The following LOC128462377 variants were observed in gnomAD, a reference collection of about 807,000 sequenced individuals.
the LOC128462377 span, chr16:89,403,838 A>T: frequency 6.6e-6 from 1 of 152,114 alleles, no homozygotes; most frequent in Non-Finnish European, 1.5e-5. Context: ...AAGGCTGAGG[A>T]AGGGGCATCA....
chr16:89,369,099 C>T, the LOC128462377 span, among the ~76,000 whole-genome samples: 12 of 152,138 alleles, frequency 7.9e-5, no homozygotes, highest in Admixed American at 7.2e-4. Flanking sequence ...CACATCACTA[C>T]CAAGCTCTGG....
At chr16:89,411,919 G>C in the LOC128462377 span, among the ~76,000 whole-genome samples, 2 of 150,704 alleles carry the variant, frequency 1.3e-5, no homozygotes, top group Non-Finnish European at 3.0e-5. Flanking sequence ...CCAGGTACTG[G>C]GGTGAGATGC....
chr16:89,350,253 C>G, the LOC128462377 span, among the ~76,000 whole-genome samples: 1 of 152,182 alleles, frequency 6.6e-6, no homozygotes, highest in Admixed American at 6.5e-5. Context: ...TGAGTGGTCA[C>G]TTTGGAAAAG....
chr16:89,346,250 GAAAAAA>G, the LOC128462377 span, among the ~76,000 whole-genome samples: 185 of 96,868 alleles, frequency 1.9e-3, 1 homozygote, highest in African/African-American at 7.3e-3. Flanking sequence ...CCCGTCTCAG[GAAAAAA>G]AAAAAAAAAA....
chr16:89,335,907 G>A, the LOC128462377 span, among the ~76,000 whole-genome samples: 1 of 152,156 alleles, frequency 6.6e-6, no homozygotes, highest in African/African-American at 2.4e-5. Context: ...GCAGCTGACT[G>A]GCCAGACCCC....
chr16:89,338,083 C>A, the LOC128462377 span, among the ~76,000 whole-genome samples: 3 of 152,200 alleles, frequency 2.0e-5, no homozygotes, highest in Admixed American at 6.5e-5. Context: ...CACTCAGGAG[C>A]CCCAGGGGCC....
chr16:89,364,122 C>T, the LOC128462377 span, among the ~76,000 whole-genome samples: 1 of 152,138 alleles, frequency 6.6e-6, no homozygotes, highest in Non-Finnish European at 1.5e-5. Context: ...AAAAAAAAGA[C>T]ATGGAGCCTT....
chr16:89,413,499 C>A, the LOC128462377 span, among the ~76,000 whole-genome samples: 1 of 152,056 alleles, frequency 6.6e-6, no homozygotes, highest in African/African-American at 2.4e-5. Context: ...GTGGCGGGCA[C>A]CTATAGTCCC....
At chr16:89,321,706 A>T in the LOC128462377 span, among the ~76,000 whole-genome samples, 1 of 152,178 alleles carries the variant, frequency 6.6e-6, no homozygotes, top group Non-Finnish European at 1.5e-5. Context: ...CTCACAGAAA[A>T]AAAAAAAGAC....
the LOC128462377 span, among the ~76,000 whole-genome samples, chr16:89,346,369 C>T: frequency 6.6e-6 from 1 of 151,834 alleles, no homozygotes; most frequent in Non-Finnish European, 1.5e-5. Context: ...ACCCAGACTA[C>T]AAGACAGAAG....
At chr16:89,334,887 T>G in the LOC128462377 span, among the ~76,000 whole-genome samples, 1 of 152,066 alleles carries the variant, frequency 6.6e-6, no homozygotes, top group Admixed American at 6.5e-5. Context: ...GACACGAGTG[T>G]GTCTGCTGTG....
chr16:89,416,247 T>G, the LOC128462377 span, among the ~76,000 whole-genome samples: 13 of 152,104 alleles, frequency 8.5e-5, no homozygotes, highest in Admixed American at 7.9e-4. Context: ...GTCAGCAGAG[T>G]TGCTGATAGC....
chr16:89,396,135 A>G, the LOC128462377 span: 1 of 152,220 alleles, frequency 6.6e-6, no homozygotes, highest in Non-Finnish European at 1.5e-5. Flanking sequence ...GTGAAAATTC[A>G]AGCTTTCAAA....
At chr16:89,354,451 C>T in the LOC128462377 span, among the ~76,000 whole-genome samples, 3 of 152,212 alleles carry the variant, frequency 2.0e-5, no homozygotes, top group African/African-American at 7.2e-5. Flanking sequence ...AGTGCAGAGC[C>T]AGCCCACCTC....
At chr16:89,403,009 A>G in the LOC128462377 span, among the ~76,000 whole-genome samples, 3 of 152,130 alleles carry the variant, frequency 2.0e-5, no homozygotes, top group Non-Finnish European at 4.4e-5. Context: ...CCTCAGCCCC[A>G]CCATCAAACA....
At chr16:89,362,457 T>G in the LOC128462377 span, among the ~76,000 whole-genome samples, 1 of 152,200 alleles carries the variant, frequency 6.6e-6, no homozygotes, top group Non-Finnish European at 1.5e-5. Flanking sequence ...TGAACAGCAC[T>G]GAAGCCGGAA....
chr16:89,382,468 G>C, the LOC128462377 span, among the ~76,000 whole-genome samples: 2 of 151,980 alleles, frequency 1.3e-5, no homozygotes, highest in African/African-American at 4.8e-5. Flanking sequence ...TGGGATCACA[G>C]GTGCGTGCCA....
the LOC128462377 span, among the ~76,000 whole-genome samples, chr16:89,349,614 AAACCTCT>A: frequency 1.2e-4 from 18 of 152,356 alleles, no homozygotes; most frequent in African/African-American, 4.1e-4. Flanking sequence ...CAAAAAACAA[AAACCTCT>A]AACCTTACCT....
At chr16:89,393,688 T>A in the LOC128462377 span, among the ~76,000 whole-genome samples, 1 of 151,798 alleles carries the variant, frequency 6.6e-6, no homozygotes, top group African/African-American at 2.4e-5. Flanking sequence ...AGAGGATTTG[T>A]AAGGGTTAGA....
Sources: gnomAD v4.1 joint callset for allele counts (sites outside exome capture counted in the v4.1 genomes callset) on GRCh38, gnomAD v4.1.1 for gene constraint, MANE v1.5 for transcripts.